ONECUT2: variants seen among roughly 807,000 people sequenced by gnomAD.
The protein encoded by ONECUT2 is one cut domain family member 2.
In ONECUT2, 10 loss-of-function variants were observed where a neutral mutation model predicts 27.9. The observed-to-expected ratio is 0.36, with a 90% CI of 0.22 to 0.61. ONECUT2 has a LOEUF of 0.61. Ranked by LOEUF, ONECUT2 falls within the 20% of genes least tolerant of loss-of-function variation. The probability of loss-of-function intolerance (pLI) is 0.73; values close to 1 mark genes in which losing one functional copy is unlikely to be tolerated. For missense variants in ONECUT2, 686 were observed against 721.0 expected (o/e 0.95, Z 0.56); for synonymous variants, 334 against 315.1 (o/e 1.06, Z -0.64).
chr18:57,441,870 CT>C (rs2050175975), intron 1 of ONECUT2, among the ~76,000 whole-genome samples: 1 of 152,244 alleles, frequency 6.6e-6, no homozygotes, highest in Admixed American at 6.5e-5. Flanking sequence ...GAGTAGCAGG[CT>C]CTGCGCTGGA....
intron 1 of ONECUT2, among the ~76,000 whole-genome samples, chr18:57,467,623 C>T (rs1429696071): frequency 6.6e-6 from 1 of 152,202 alleles, no homozygotes; most frequent in East Asian, 1.9e-4. Flanking sequence ...CCTCAGCCTC[C>T]CGAAGTGCTG....
Position 57,435,596 on chromosome 18 carries a change from A to T in ONECUT2, c.-121A>T. 2.6e-6 allele frequency: 2 copies of T among 763,330 alleles called. No individual in the cohort carries two copies. The highest frequency in any genetic ancestry group is 2.3e-5 in the African/African-American group (1 of 42,716). The allele number at this position is 763,330 out of a possible 1,614,324, so 47.3% of individuals were successfully genotyped here. Reference sequence around the variant, plus strand: ...GCCCGGGGCGCACACCCGCACGCGCACTCCTCTCCACTCACTCCCGCGCCC... The same window carrying T: ...GCCCGGGGCGCACACCCGCACGCGCTCTCCTCTCCACTCACTCCCGCGCCC... On this transcript the variant is annotated 5_prime_UTR_variant, in exon 1 of 2. Coordinates refer to ENST00000491143, the MANE Select transcript of ONECUT2 (RefSeq NM_004852.3).
rs377256376 is a variant in ONECUT2 at position 57,444,558 on chromosome 18, C to T, written c.1228+7614C>T. On this transcript the variant is annotated intron_variant, in intron 1 of 1. Transcript: ENST00000491143. ...TCCTGGAGCAAGCTTGGAGTCCCCA[C>T]CCCCCAGGGTGAGGTTCTGGGCTTT... is the stretch of plus-strand genomic sequence containing the variant. The T allele has an allele frequency of 1.7e-4, 69 of 405,446 alleles. 1 individual carries two copies. The East Asian group carries it at 3.6e-3, about 21-fold the overall frequency. The allele number at this position is 405,446 out of a possible 1,614,324, so 25.1% of individuals were successfully genotyped here.
intron 1 of ONECUT2, among the ~76,000 whole-genome samples, chr18:57,469,696 G>T (rs1433877055): frequency 6.6e-6 from 1 of 152,168 alleles, no homozygotes; most frequent in Non-Finnish European, 1.5e-5. Flanking sequence ...CTACTATCGA[G>T]TAAGACTTGA....
At position 57,476,382 on chromosome 18, in the gene ONECUT2, A is replaced by G. The variant is rs1037627967; in HGVS notation, c.1229-55A>G. ...ACAACTTTGTCAATGTTTTCCATGG[A>G]TCACCTTCTCAGGTGAGCCCACTGA... On this transcript the variant is annotated intron_variant, in intron 1 of 1. Transcript: ENST00000491143. The G allele has an allele frequency of 1.4e-5, 22 of 1,548,304 alleles. No individual in the cohort carries two copies. The Admixed American group carries it at 1.4e-4, about 10-fold the overall frequency.
intron 1 of ONECUT2, among the ~76,000 whole-genome samples, chr18:57,462,728 T>TC (rs2050299599): frequency 1.4e-5 from 2 of 140,682 alleles, no homozygotes; most frequent in African/African-American, 5.3e-5. Context: ...TCTTTCTTTT[T>TC]TTTTTTTTTT....
In ONECUT2 at chr18:57,478,391, G is replaced by A. The variant is rs1218234384; in HGVS notation, c.*1668G>A. 6.6e-6 allele frequency: 1 copy of A among 152,612 alleles called. No homozygotes were observed. The highest frequency in any genetic ancestry group is 2.4e-5 in the African/African-American group (1 of 41,450). 9.5% of individuals were successfully genotyped at this position (152,612 alleles called of 1,614,324 possible). On this transcript the variant is annotated 3_prime_UTR_variant, in exon 2 of 2. Coordinates refer to ENST00000491143, the MANE Select transcript of ONECUT2 (RefSeq NM_004852.3). ...TGACTTTTTTATGAATTACTTAGTC[G>A]AAACCAAAGAAACTTTTTCTGCACC... is the stretch of plus-strand genomic sequence containing the variant.
chr18:57,435,676 G>GCCCC lies in ONECUT2; in HGVS notation c.-39_-36dup. 7.6e-6 allele frequency: 5 copies of GCCCC among 659,560 alleles called. No homozygotes were observed. The highest frequency in any genetic ancestry group is 5.8e-6 in the Non-Finnish European group (3 of 515,084). 40.9% of individuals were successfully genotyped at this position (659,560 alleles called of 1,614,324 possible). On this transcript the variant is annotated 5_prime_UTR_variant, in exon 1 of 2. Coordinates refer to ENST00000491143, the MANE Select transcript of ONECUT2 (RefSeq NM_004852.3). ...CGCGCGCCTTGCCCGCCCGCCGGCC[G>GCCCC]CCCCCGCCGCCCCCGCCGCCCCCGG...
intron 1 of ONECUT2, among the ~76,000 whole-genome samples, chr18:57,457,824 G>A (rs1368032180): frequency 1.3e-5 from 2 of 152,184 alleles, no homozygotes; most frequent in African/African-American, 2.4e-5. Flanking sequence ...CCTTTGCAGT[G>A]ACATGGATGA....
intron 1 of ONECUT2, among the ~76,000 whole-genome samples, chr18:57,445,527 TCTAATTGG>T (rs1370888876): frequency 1.4e-4 from 21 of 152,362 alleles, no homozygotes; most frequent in East Asian, 3.9e-4. Flanking sequence ...ATGACCTGTT[TCTAATTGG>T]CTATCTCTTG....
rs2050400414 is a variant in ONECUT2 at position 57,478,890 on chromosome 18, A to T, written c.*2167A>T. 1.3e-5 allele frequency: 2 copies of T among 152,522 alleles called. No individual in the cohort carries two copies. Among genetic ancestry groups the T allele is most frequent in the South Asian group, 4.1e-4 (2 of 4,820 alleles). The allele number at this position is 152,522 out of a possible 1,614,324, so 9.4% of individuals were successfully genotyped here. The stretch of plus-strand genomic sequence containing the variant: ...CTCTGAGCAACAAAAGGAAAGGGCC[A>T]TTTATTTGATTTTATTGTTTCATTT... On this transcript the variant is annotated 3_prime_UTR_variant, in exon 2 of 2. Coordinates refer to ENST00000491143, the MANE Select transcript of ONECUT2 (RefSeq NM_004852.3).
intron 1 of ONECUT2, among the ~76,000 whole-genome samples, chr18:57,446,178 C>G (rs1038315727): frequency 3.9e-5 from 6 of 152,230 alleles, no homozygotes; most frequent in African/African-American, 1.4e-4. Flanking sequence ...CCTCTGGGCC[C>G]TTTCCAGAGT....
At chr18:57,455,658 T>A (rs1033121793) in intron 1 of ONECUT2, among the ~76,000 whole-genome samples, 1 of 152,158 alleles carries the variant, frequency 6.6e-6, no homozygotes, top group Non-Finnish European at 1.5e-5. Context: ...CACAGGAGCA[T>A]CTCGGGAAGC....
In ONECUT2 at chr18:57,436,579, T is replaced by C. The variant is rs1333390184; in HGVS notation, c.863T>C (p.Met288Thr). The C allele has an allele frequency of 6.2e-7, 1 of 1,610,818 alleles. No homozygotes were observed. Among genetic ancestry groups the C allele is most frequent in the South Asian group, 1.1e-5 (1 of 91,080 alleles). The change falls in exon 1 of 2, where the codon ATG becomes ACG. Residue 288 changes from methionine (M) to threonine (T), a missense_variant. By Grantham distance (81) the Met-to-Thr change is moderately conservative (BLOSUM62 -1). Coordinates refer to ENST00000491143, the MANE Select transcript of ONECUT2 (RefSeq NM_004852.3). The surrounding 1 kb of genome is among the most constrained non-coding windows in gnomAD (Gnocchi z 5.9). ...SRGLGTPPAA[M>T]MSHLNGLHHP... ...GGCCTGGGCACCCCACCTGCGGCCATGATGTCGCACCTGAACGGCCTGCAC... is the reference window on the plus strand; with the variant it reads ...GGCCTGGGCACCCCACCTGCGGCCACGATGTCGCACCTGAACGGCCTGCAC...
chr18:57,472,214 A>G (rs2050357964), intron 1 of ONECUT2, among the ~76,000 whole-genome samples: 1 of 152,208 alleles, frequency 6.6e-6, no homozygotes, highest in Non-Finnish European at 1.5e-5. Context: ...TGGCTGTTCA[A>G]AAATGGGCAC....
Position 57,436,412 on chromosome 18 carries a change from GGGCAAC to G in ONECUT2, c.699_704del (p.Asn234_Gly235del). The G allele has an allele frequency of 6.2e-7, 1 of 1,611,480 alleles. No individual in the cohort carries two copies. The highest frequency in any genetic ancestry group is 2.2e-5 in the East Asian group (1 of 44,858). On this transcript the variant is annotated inframe_deletion, in exon 1 of 2. Transcript: ENST00000491143. The surrounding 1 kb of genome is among the most constrained non-coding windows in gnomAD (Gnocchi z 5.9). ...TGTCCCCGCTGGCCGCCACGCCGCT[GGGCAAC>G]GGGCTAGGCGGCCTCCACAACGCGC...
At position 57,484,507 on chromosome 18, in the gene ONECUT2, T is replaced by C. The variant is rs931866828; in HGVS notation, c.*7784T>C. ...TTATATGTTTGCTGTCTGCTCGACA[T>C]GTTCAAGATGCGAGTTCAGATGCTG... On this transcript the variant is annotated 3_prime_UTR_variant, in exon 2 of 2. Transcript: ENST00000491143. 12 of 152,648 alleles carry C rather than the reference T, an allele frequency of 7.9e-5. No individual in the cohort carries two copies. Among genetic ancestry groups the C allele is most frequent in the African/African-American group, 2.9e-4 (12 of 41,454 alleles). The allele number at this position is 152,648 out of a possible 1,614,324, so 9.5% of individuals were successfully genotyped here.
intron 1 of ONECUT2, among the ~76,000 whole-genome samples, chr18:57,451,504 A>T (rs1463162128): frequency 1.3e-5 from 2 of 152,148 alleles, no homozygotes; most frequent in Non-Finnish European, 2.9e-5. Flanking sequence ...TAGCCTAGAC[A>T]TGGGTGTCAC....
chr18:57,469,904 G>C (rs145030611), intron 1 of ONECUT2, among the ~76,000 whole-genome samples: 1 of 152,182 alleles, frequency 6.6e-6, no homozygotes, highest in African/African-American at 2.4e-5. Context: ...CTGATAAGTG[G>C]CTGACAAGGA....
Sources: allele counts gnomAD v4.1 joint callset (sites outside exome capture counted in the v4.1 genomes callset), GRCh38; gene constraint gnomAD v4.1.1; non-coding constraint Gnocchi (gnomAD v3.1); transcripts MANE v1.5; gene names NCBI Gene and HGNC (gene_info 2026-07-23, HGNC 2026-07-21).